Variants in CDIN1 observed in about 807,000 individuals in gnomAD.
CDIN1 encodes the protein CDAN1-interacting nuclease 1.
CDIN1 carries 33 observed loss-of-function variants against 45.3 expected under a neutral mutation model. The observed-to-expected ratio is 0.73, with a 90% CI of 0.55 to 0.97. The LOEUF (loss-of-function observed/expected upper bound fraction) is 0.97. Ranked by LOEUF, CDIN1 falls within the 50% of genes least tolerant of loss-of-function variation. The pLI, the probability that CDIN1 is intolerant of heterozygous loss-of-function variation, is 0.00. For missense variants in CDIN1, 303 were observed against 339.4 expected, an observed-to-expected ratio of 0.89 and a Z score of 0.84; for synonymous variants, 118 against 124.4, an observed-to-expected ratio of 0.95 and a Z score of 0.34.
chr15:36,757,843 A>T (rs2053648718), intron 10 of CDIN1, among the ~76,000 whole-genome samples: 1 of 152,138 alleles, frequency 6.6e-6, no homozygotes, highest in Admixed American at 6.6e-5. Flanking sequence ...CATCATGTGG[A>T]CATTTTATCA....
In CDIN1 at chr15:36,598,527, GC is replaced by G. The variant is rs1440695109; in HGVS notation, c.101+18567del. ...TGAGGCTCTCAGCTCCTCTCCCATT[GC>G]TGATCTTTTTACCATCCTTTTCATT... is the stretch of plus-strand genomic sequence containing the variant. On this transcript the variant is annotated intron_variant, in intron 1 of 10. Coordinates refer to ENST00000566621, the MANE Select transcript of CDIN1 (RefSeq NM_001321759.2). 4.0e-5 allele frequency among the ~76,000 whole-genome samples: 6 copies of G among 151,806 alleles called. No homozygotes were observed. The East Asian group carries it at 1.2e-3, about 29-fold the overall frequency.
At chr15:36,686,906 GGA>G (rs1170751481) in intron 5 of CDIN1, among the ~76,000 whole-genome samples, 2 of 141,516 alleles carry the variant, frequency 1.4e-5, no homozygotes, top group African/African-American at 2.7e-5. Flanking sequence ...AGAGAGGGAG[GGA>G]GAGAGGGAAG....
At chr15:36,660,481 G>A (rs1470795204) in intron 5 of CDIN1, among the ~76,000 whole-genome samples, 1 of 152,048 alleles carries the variant, frequency 6.6e-6, no homozygotes, top group Non-Finnish European at 1.5e-5. Flanking sequence ...CTGTAAAAAG[G>A]TATAGCTAAT....
intron 5 of CDIN1, among the ~76,000 whole-genome samples, chr15:36,658,556 A>G (rs1027272261): frequency 3.9e-5 from 6 of 152,142 alleles, no homozygotes; most frequent in African/African-American, 1.4e-4. Flanking sequence ...TGGCTCTTTT[A>G]CTAGGCAGGA....
intron 2 of CDIN1, 89 bp from the exon 3 acceptor site, chr15:36,645,134 C>A: frequency 9.3e-7 from 1 of 1,071,476 alleles, no homozygotes; most frequent in Non-Finnish European, 1.4e-6. Flanking sequence ...GTGCTAGTCA[C>A]TGGGCTCAAG....
intron 10 of CDIN1, 108 bp downstream of exon 10, chr15:36,710,069 G>T: frequency 1.5e-6 from 1 of 681,618 alleles, no homozygotes. Context: ...GTTGTTTCTA[G>T]TAAATACAGA....
chr15:36,800,897 G>GTATATATA (rs1566984210), intron 10 of CDIN1, among the ~76,000 whole-genome samples: 1 of 27,172 alleles, frequency 3.7e-5, no homozygotes, highest in African/African-American at 1.2e-4. Flanking sequence ...GTGTGTGTGT[G>GTATATATA]TGTGTGTGTG....
chr15:36,749,462 T>C (rs2053398928), intron 10 of CDIN1, among the ~76,000 whole-genome samples: 1 of 152,186 alleles, frequency 6.6e-6, no homozygotes, highest in Non-Finnish European at 1.5e-5. Context: ...CACCAAGGTT[T>C]CTGAAGTTTC....
At chr15:36,720,945 T>C (rs769603430) in intron 10 of CDIN1, among the ~76,000 whole-genome samples, 1 of 152,186 alleles carries the variant, frequency 6.6e-6, no homozygotes, top group South Asian at 2.1e-4. Context: ...ATCTGTTGTT[T>C]CCTGACTTTT....
At chr15:36,602,133 C>T (rs982082372) in intron 1 of CDIN1, among the ~76,000 whole-genome samples, 5 of 152,212 alleles carry the variant, frequency 3.3e-5, no homozygotes, top group South Asian at 2.1e-4. Context: ...TCAGCGTGAA[C>T]GCTTCCAGCC....
chr15:36,721,748 G>A (rs986939048), intron 10 of CDIN1, among the ~76,000 whole-genome samples: 1 of 151,840 alleles, frequency 6.6e-6, no homozygotes, highest in Non-Finnish European at 1.5e-5. Flanking sequence ...ACTTGAGGGA[G>A]ACCTATTTAA....
chr15:36,750,091 G>C (rs1205048240), intron 10 of CDIN1, among the ~76,000 whole-genome samples: 1 of 152,078 alleles, frequency 6.6e-6, no homozygotes, highest in Non-Finnish European at 1.5e-5. Context: ...GTTGGTTCGC[G>C]GTGGTGGTGT....
intron 5 of CDIN1, among the ~76,000 whole-genome samples, chr15:36,659,529 A>G (rs1005809243): frequency 6.6e-6 from 1 of 152,072 alleles, no homozygotes; most frequent in Non-Finnish European, 1.5e-5. Context: ...CACTATGATT[A>G]TGTATAATCA....
chr15:36,597,460 G>T (rs2037891729), intron 1 of CDIN1, among the ~76,000 whole-genome samples: 1 of 152,142 alleles, frequency 6.6e-6, no homozygotes. Context: ...GGCTAAAGTG[G>T]TTTTTTGCTC....
chr15:36,664,696 A>G (rs770096454), intron 5 of CDIN1, among the ~76,000 whole-genome samples: 84 of 151,974 alleles, frequency 5.5e-4, no homozygotes, highest in Middle Eastern at 3.4e-3. Flanking sequence ...ACAGGCGCCC[A>G]CCACCACGCT....
intron 5 of CDIN1, among the ~76,000 whole-genome samples, chr15:36,677,048 A>G (rs2041673613): frequency 6.6e-6 from 1 of 152,148 alleles, no homozygotes; most frequent in Non-Finnish European, 1.5e-5. Context: ...GATCCATTGT[A>G]TCCTATGAGA....
At chr15:36,672,582 A>G (rs2041491544) in intron 5 of CDIN1, among the ~76,000 whole-genome samples, 1 of 151,880 alleles carries the variant, frequency 6.6e-6, no homozygotes, top group Non-Finnish European at 1.5e-5. Context: ...TGTGTGTATA[A>G]AGGTGGAGAA....
At chr15:36,787,506 G>GTT (rs1430215492) in intron 10 of CDIN1, among the ~76,000 whole-genome samples, 1 of 152,160 alleles carries the variant, frequency 6.6e-6, no homozygotes, top group Non-Finnish European at 1.5e-5. Flanking sequence ...ATAGTCACTT[G>GTT]TATACAGTTT....
At chr15:36,796,315 T>TATAG (rs1317941619) in intron 10 of CDIN1, among the ~76,000 whole-genome samples, 1 of 152,224 alleles carries the variant, frequency 6.6e-6, no homozygotes, top group Non-Finnish European at 1.5e-5. Flanking sequence ...CTATTCACTT[T>TATAG]ATAGATAGAG....
Sources: allele counts gnomAD v4.1 joint callset (sites outside exome capture counted in the v4.1 genomes callset), GRCh38; gene constraint gnomAD v4.1.1; transcripts MANE v1.5; gene names NCBI Gene and HGNC (gene_info 2026-07-23, HGNC 2026-07-21).